Variants in INTS6 observed in about 807,000 individuals in gnomAD.
INTS6 encodes integrator complex subunit 6.
Under a neutral mutation model 104.9 loss-of-function variants are expected in INTS6, and 16 were observed. The observed-to-expected ratio is 0.15, with a 90% CI of 0.10 to 0.23. INTS6 has a LOEUF of 0.23. Ranked by LOEUF, INTS6 falls within the 10% of genes least tolerant of loss-of-function variation. The probability of loss-of-function intolerance (pLI) is 1.00; values close to 1 mark genes in which losing one functional copy is unlikely to be tolerated. For synonymous variants in INTS6, 324 were observed against 358.7 expected (o/e 0.90, Z 1.09); for missense variants, 584 against 1,062.8 (o/e 0.55, Z 6.26).
intron 4 of INTS6, among the ~76,000 whole-genome samples, chr13:51,417,644 A>G (rs1371976912): frequency 6.6e-6 from 1 of 151,916 alleles, no homozygotes; most frequent in Non-Finnish European, 1.5e-5. Flanking sequence ...TTTAATAGAG[A>G]TGGGGTTTCA....
At chr13:51,395,513 G>T in intron 4 of INTS6, 30 bp from the exon 5 acceptor site, 1 of 1,574,202 alleles carries the variant, frequency 6.4e-7, no homozygotes, top group Non-Finnish European at 8.6e-7. Context: ...ACAGTAATAA[G>T]AATTCCACAG....
intron 5 of INTS6, 27 bp from the exon 6 acceptor site, chr13:51,389,471 A>G: frequency 1.3e-6 from 2 of 1,576,914 alleles, no homozygotes; most frequent in Non-Finnish European, 1.7e-6. Context: ...GAAGAAGAAG[A>G]AGAAGAAGAA....
chr13:51,421,364 A>T, intron 4 of INTS6: 1 of 877,442 alleles, frequency 1.1e-6, no homozygotes, highest in Non-Finnish European at 1.4e-6. Context: ...CAAAACCACA[A>T]CAAACAAAAC....
At chr13:51,359,808 G>A (rs1955535236), downstream of INTS6, among the ~76,000 whole-genome samples, 1 of 152,006 alleles carries the variant, frequency 6.6e-6, no homozygotes, top group Non-Finnish European at 1.5e-5. Context: ...TGTAACTTTG[G>A]CACTGCATTT....
At chr13:51,449,140 T>A (rs1952983383) in intron 3 of INTS6, 1 of 152,226 alleles carries the variant, frequency 6.6e-6, no homozygotes, top group South Asian at 2.1e-4. Context: ...AGTGGCTTAT[T>A]TTAATGCTAG....
At chr13:51,347,726 G>A in the INTS6 span, among the ~76,000 whole-genome samples, 13 of 152,240 alleles carry the variant, frequency 8.5e-5, no homozygotes, top group African/African-American at 2.6e-4. Context: ...ATTTCCTGAC[G>A]TCCTTCTCTG....
At chr13:51,404,394 T>TCTCC (rs1956517913) in intron 4 of INTS6, among the ~76,000 whole-genome samples, 2 of 151,992 alleles carry the variant, frequency 1.3e-5, no homozygotes, top group African/African-American at 4.8e-5. Context: ...ACCAGTCTTA[T>TCTCC]CTCCAAGAGC....
downstream of INTS6, among the ~76,000 whole-genome samples, chr13:51,359,888 A>G (rs1390271209): frequency 6.6e-6 from 1 of 152,098 alleles, no homozygotes; most frequent in Non-Finnish European, 1.5e-5. Context: ...AAGACCCTAG[A>G]GAAAAAGACC....
intron 4 of INTS6, among the ~76,000 whole-genome samples, chr13:51,412,433 T>C (rs1475864417): frequency 1.3e-5 from 2 of 152,212 alleles, no homozygotes; most frequent in Non-Finnish European, 2.9e-5. Context: ...GTGTCTTATA[T>C]TGTACCATGC....
downstream of INTS6, chr13:51,361,492 A>T (rs2137828590): frequency 1.5e-6 from 1 of 671,092 alleles, no homozygotes; most frequent in East Asian, 2.8e-5. Context: ...AGTATTTTTT[A>T]AAAAGGAACA....
intron 3 of INTS6, among the ~76,000 whole-genome samples, chr13:51,433,274 C>T (rs1339989355): frequency 6.6e-6 from 1 of 152,158 alleles, no homozygotes; most frequent in South Asian, 2.1e-4. Context: ...TGAAAAACCT[C>T]GTCTCCATGA....
At chr13:51,348,293 G>A in the INTS6 span, 2 of 1,611,998 alleles carry the variant, frequency 1.2e-6, no homozygotes, top group African/African-American at 2.7e-5. Context: ...TCTGTTCCTG[G>A]TGCTGCCCCG....
Position 51,386,796 on chromosome 13 carries a change from C to T in INTS6, c.894+590G>A, listed in dbSNP as rs572072218. On this transcript the variant is annotated intron_variant, in intron 7 of 17. Coordinates refer to ENST00000311234, the MANE Select transcript of INTS6 (RefSeq NM_012141.3). ...TATGGAAAAAAAGAGTACACTAACACGACTAAATGGATATTAATTTGTATA... is the reference window on the plus strand; with the variant it reads ...TATGGAAAAAAAGAGTACACTAACATGACTAAATGGATATTAATTTGTATA... Among the ~76,000 whole-genome samples the T allele has an allele frequency of 5.9e-5, 9 of 152,050 alleles. No homozygotes were observed. The South Asian group carries it at 1.9e-3, about 32-fold the overall frequency.
intron 16 of INTS6, 79 bp from the exon 17 acceptor site, chr13:51,367,977 A>G: frequency 1.3e-6 from 1 of 751,634 alleles, no homozygotes. Flanking sequence ...TTTGCAGTTT[A>G]TGATATTAAG....
At chr13:51,445,526 TATC>T (rs1218904747) in intron 3 of INTS6, 3 of 152,358 alleles carry the variant, frequency 2.0e-5, no homozygotes, top group Middle Eastern at 3.4e-3. Flanking sequence ...ATTTTAAATA[TATC>T]ATCCCATTTA....
the INTS6 span, chr13:51,339,405 A>C: frequency 6.6e-6 from 1 of 152,284 alleles, no homozygotes; most frequent in South Asian, 2.1e-4. Context: ...GGGCTGGATG[A>C]GGGGTTCCTT....
intron 4 of INTS6, chr13:51,423,164 T>A: frequency 1.7e-6 from 1 of 584,100 alleles, no homozygotes; most frequent in Non-Finnish European, 2.5e-6. Flanking sequence ...AAAGTAACTA[T>A]GTATCACAAG....
At chr13:51,378,624 A>G (rs1181698793) in intron 11 of INTS6, among the ~76,000 whole-genome samples, 170 bp from the exon 12 acceptor site, 2 of 152,056 alleles carry the variant, frequency 1.3e-5, no homozygotes, top group Admixed American at 1.3e-4. Flanking sequence ...ACATAGTTTA[A>G]ACAACAATGT....
chr13:51,438,500 T>TA (rs1555291287), intron 3 of INTS6: 4 of 152,232 alleles, frequency 2.6e-5, no homozygotes. Context: ...TAAAGCTCAT[T>TA]AAAATGGAAA....
Sources: allele counts gnomAD v4.1 joint callset (sites outside exome capture counted in the v4.1 genomes callset), GRCh38; gene constraint gnomAD v4.1.1; transcripts MANE v1.5; gene names NCBI Gene and HGNC (gene_info 2026-07-23, HGNC 2026-07-21).